CNTLN: variants seen among roughly 807,000 people sequenced by gnomAD.
CNTLN encodes centlein, centrosomal protein.
In CNTLN, 212 loss-of-function variants were observed where a neutral mutation model predicts 180.0. The observed-to-expected ratio is 1.18, with a 90% confidence interval of 1.05 to 1.32. The LOEUF is 1.32. Among genes scored for constraint, CNTLN ranks in the 40% most tolerant of loss-of-function variants. The pLI is 0.00. For synonymous variants in CNTLN, 722 were observed against 563.1 expected (o/e 1.28, Z -3.99); for missense variants, 2,095 against 1,610.9 (o/e 1.30, Z -5.14).
chr9:17,302,343 A>G (rs619380), intron 7 of CNTLN, among the ~76,000 whole-genome samples: 71,859 of 151,760 alleles, frequency 0.47, 18,212 homozygotes, highest in African/African-American at 0.66. Flanking sequence ...GACTACAGGC[A>G]CGTGCCACCA....
At chr9:17,294,881 G>C (rs1260161558) in intron 6 of CNTLN, among the ~76,000 whole-genome samples, 16 of 83,478 alleles carry the variant, frequency 1.9e-4, no homozygotes, top group Admixed American at 5.4e-4. Flanking sequence ...GGGAGTGGGG[G>C]GAGGGGGGAG....
intron 15 of CNTLN, among the ~76,000 whole-genome samples, chr9:17,407,677 TGA>T (rs1587912304): frequency 6.6e-6 from 1 of 152,206 alleles, no homozygotes; most frequent in East Asian, 1.9e-4. Flanking sequence ...AAATCTTACT[TGA>T]GTCTATAGTA....
chr9:17,219,243 TCTTTTTAAGGAACC>T (rs1823969578), intron 2 of CNTLN, among the ~76,000 whole-genome samples: 1 of 150,748 alleles, frequency 6.6e-6, no homozygotes. Context: ...TCTTTTTTTT[TCTTTTTAAGGAACC>T]TTTTTTTTTT....
intron 20 of CNTLN, among the ~76,000 whole-genome samples, chr9:17,463,937 TAGC>T (rs5896744): frequency 0.97 from 145,910 of 150,974 alleles, 70,659 homozygotes; most frequent in Non-Finnish European, 1. Context: ...GTTTTAGTAG[TAGC>T]AGCAGCAGCA....
chr9:17,359,437 T>C (rs952938707), intron 12 of CNTLN, among the ~76,000 whole-genome samples: 1 of 152,012 alleles, frequency 6.6e-6, no homozygotes, highest in Non-Finnish European at 1.5e-5. Context: ...ATTAAAAGGC[T>C]ACTTTCTGAG....
At chr9:17,384,059 AAC>A (rs1236521931) in intron 13 of CNTLN, among the ~76,000 whole-genome samples, 4 of 152,224 alleles carry the variant, frequency 2.6e-5, no homozygotes, top group African/African-American at 9.6e-5. Flanking sequence ...GTAGAAAATA[AAC>A]AGTCTAAAAT....
chr9:17,510,759 C>CCA, the CNTLN span, among the ~76,000 whole-genome samples: 1 of 152,190 alleles, frequency 6.6e-6, no homozygotes, highest in African/African-American at 2.4e-5. Context: ...CTGTCTGTTT[C>CCA]CCCATGTTGG....
intron 22 of CNTLN, 67 bp downstream of exon 22, chr9:17,466,185 A>G: frequency 6.9e-7 from 1 of 1,439,510 alleles, no homozygotes; most frequent in Admixed American, 1.9e-5. Context: ...CATTTTTAAC[A>G]TTGTTGCTTT....
chr9:17,144,250 T>C (rs1248368401), intron 2 of CNTLN, among the ~76,000 whole-genome samples: 2 of 152,246 alleles, frequency 1.3e-5, no homozygotes, highest in African/African-American at 2.4e-5. Flanking sequence ...TTGGTTATTA[T>C]GAACACTTAA....
chr9:17,367,228 C>T (rs1041506886), intron 13 of CNTLN, among the ~76,000 whole-genome samples: 4 of 152,178 alleles, frequency 2.6e-5, no homozygotes, highest in Non-Finnish European at 2.9e-5. Context: ...GCATTGAACT[C>T]GGTCTTGCCC....
chr9:17,526,225 G>A, the CNTLN span, among the ~76,000 whole-genome samples: 1 of 152,162 alleles, frequency 6.6e-6, no homozygotes, highest in Non-Finnish European at 1.5e-5. Context: ...GTGAGCCACC[G>A]TGCCCGGCCT....
chr9:17,409,394 G>C lies in CNTLN; in HGVS notation c.2717G>C (p.Ser906Thr). 1 of 1,613,408 alleles carries C rather than the reference G, an allele frequency of 6.2e-7. No individual in the cohort carries two copies. Among genetic ancestry groups the C allele is most frequent in the South Asian group, 1.1e-5 (1 of 91,046 alleles). Residue 906 changes from serine to threonine, a missense_variant, in exon 16 of 26, where the codon AGT becomes ACT. Transcript: ENST00000380647. ...GAAGATGGAAAAGACCAGAAAGAAA[G>C]TGATCCAACAGAAGACAGCCAAACA... is the stretch of plus-strand genomic sequence containing the variant. ...PTEDGKDQKE[S>T]DPTEDSQTQG...
chr9:17,237,953 G>T (rs146989011), intron 5 of CNTLN, among the ~76,000 whole-genome samples: 49 of 152,126 alleles, frequency 3.2e-4, no homozygotes, highest in African/African-American at 1.0e-3. Flanking sequence ...CTTCTGTGCA[G>T]CATTAAAACA....
intron 13 of CNTLN, among the ~76,000 whole-genome samples, chr9:17,383,477 G>C (rs1007015466): frequency 2.0e-5 from 3 of 151,668 alleles, no homozygotes; most frequent in African/African-American, 7.3e-5. Context: ...TCACGCCACT[G>C]CATTCCAGCC....
intron 13 of CNTLN, among the ~76,000 whole-genome samples, chr9:17,366,935 G>C (rs531041550): frequency 1.3e-5 from 2 of 152,040 alleles, no homozygotes; most frequent in Non-Finnish European, 1.5e-5. Flanking sequence ...AGGGGAGAAC[G>C]TACAGCAAGA....
intron 5 of CNTLN, among the ~76,000 whole-genome samples, chr9:17,271,367 T>G (rs1231381454): frequency 2.6e-5 from 4 of 152,138 alleles, no homozygotes; most frequent in African/African-American, 9.7e-5. Context: ...AGGGCTAGCT[T>G]TAGGACCACC....
rs957352173 is a variant in CNTLN at position 17,299,849 on chromosome 9, T to C, written c.1146+1497T>C. On this transcript the variant is annotated intron_variant, in intron 7 of 25. Transcript: ENST00000380647. ...ATTTTTTTTCTGTTGCTTGAAACAT[T>C]TTTTTCCCCTCTTGGCTTCCATTGT... 7 of 963,714 alleles carry C rather than the reference T, an allele frequency of 7.3e-6. No individual in the cohort carries two copies. The African/African-American group carries it at 1.2e-4, about 17-fold the overall frequency. The allele number at this position is 963,714 out of a possible 1,614,324, so 59.7% of individuals were successfully genotyped here.
At chr9:17,418,978 A>G (rs929887977) in intron 18 of CNTLN, among the ~76,000 whole-genome samples, 1 of 152,112 alleles carries the variant, frequency 6.6e-6, no homozygotes, top group Non-Finnish European at 1.5e-5. Flanking sequence ...CCATTGTAGA[A>G]TTTCCTCAAA....
intron 2 of CNTLN, among the ~76,000 whole-genome samples, chr9:17,179,816 A>C (rs185344735): frequency 1.3e-5 from 2 of 151,450 alleles, no homozygotes; most frequent in East Asian, 3.9e-4. Context: ...CAGTTCTATC[A>C]GTTTTTTTTC....
Sources: gnomAD v4.1 joint callset for allele counts (sites outside exome capture counted in the v4.1 genomes callset) on GRCh38, gnomAD v4.1.1 for gene constraint, MANE v1.5 for transcripts, NCBI Gene and HGNC (gene_info 2026-07-23, HGNC 2026-07-21) for gene names.